ASTN2: variants seen among roughly 807,000 people sequenced by gnomAD.
The protein encoded by ASTN2 is astrotactin 2.
A neutral mutation model predicts 139.8 loss-of-function variants in ASTN2; 54 were observed. That is an observed-to-expected ratio of 0.39 (90% CI 0.31 to 0.48). The LOEUF (loss-of-function observed/expected upper bound fraction) is 0.48, where lower values mean the gene tolerates loss of function less well. ASTN2 is among the 20% of genes least tolerant of loss of function. ASTN2 has a pLI of 0.95. For missense variants in ASTN2, 1,565 were observed against 1,725.1 expected, an observed-to-expected ratio of 0.91 and a Z score of 1.64; for synonymous variants, 756 against 719.5, an observed-to-expected ratio of 1.05 and a Z score of -0.81.
chr9:116,944,686 A>G (rs2132475319), intron 10 of ASTN2, among the ~76,000 whole-genome samples: 1 of 150,976 alleles, frequency 6.6e-6, no homozygotes, highest in East Asian at 1.9e-4. Context: ...TGTCTCAAAA[A>G]AAAAAAAAAA....
intron 2 of ASTN2, among the ~76,000 whole-genome samples, chr9:117,262,366 C>A (rs974119573): frequency 2.6e-5 from 4 of 151,872 alleles, no homozygotes; most frequent in Non-Finnish European, 5.9e-5. Context: ...AATATTCCCA[C>A]CCAACACTGT....
intron 4 of ASTN2, among the ~76,000 whole-genome samples, chr9:117,110,941 T>C (rs1376033270): frequency 1.3e-5 from 2 of 152,186 alleles, no homozygotes; most frequent in East Asian, 3.9e-4. Context: ...CCACAATCTG[T>C]GTATAATCTC....
At chr9:116,753,327 C>A (rs1481804307) in intron 13 of ASTN2, among the ~76,000 whole-genome samples, 4 of 152,140 alleles carry the variant, frequency 2.6e-5, no homozygotes, top group Non-Finnish European at 4.4e-5. Context: ...GTGAAAAGAT[C>A]AGTGGTTGCC....
chr9:116,531,516 T>TC (rs778852899), intron 19 of ASTN2, among the ~76,000 whole-genome samples: 1 of 103,922 alleles, frequency 9.6e-6, no homozygotes, highest in East Asian at 3.4e-4. Flanking sequence ...CCACTCCCCC[T>TC]CCCCCCACCC....
intron 16 of ASTN2, among the ~76,000 whole-genome samples, chr9:116,722,200 A>G (rs775674489): frequency 5.6e-4 from 86 of 152,240 alleles, no homozygotes; most frequent in Non-Finnish European, 1.2e-3. Context: ...GTAATGAACA[A>G]CGTAGGAACA....
chr9:116,833,125 G>A (rs1169670819), intron 11 of ASTN2, among the ~76,000 whole-genome samples: 4 of 152,064 alleles, frequency 2.6e-5, no homozygotes, highest in East Asian at 1.9e-4. Flanking sequence ...TCATATTGGC[G>A]AATTGTGGTA....
At chr9:116,705,337 A>C (rs1298716422) in intron 16 of ASTN2, among the ~76,000 whole-genome samples, 1 of 152,208 alleles carries the variant, frequency 6.6e-6, no homozygotes, top group Non-Finnish European at 1.5e-5. Flanking sequence ...TTGTGATATA[A>C]AGATGATATG....
chr9:117,003,556 T>TGTGTGTG (rs1412820236), intron 7 of ASTN2, among the ~76,000 whole-genome samples: 3 of 147,076 alleles, frequency 2.0e-5, no homozygotes, highest in Non-Finnish European at 4.5e-5. Flanking sequence ...TGTGTGTGTA[T>TGTGTGTG]TTAAATCTAG....
At chr9:117,403,793 T>C (rs1329071709) in intron 1 of ASTN2, among the ~76,000 whole-genome samples, 1 of 152,118 alleles carries the variant, frequency 6.6e-6, no homozygotes, top group Non-Finnish European at 1.5e-5. Context: ...ACTCAGTCTC[T>C]AAGAGCTCTT....
intron 15 of ASTN2, among the ~76,000 whole-genome samples, chr9:116,727,028 A>G (rs1413648722): frequency 6.8e-6 from 1 of 147,508 alleles, no homozygotes; most frequent in Non-Finnish European, 1.5e-5. Flanking sequence ...ACACACACAC[A>G]CACACACACA....
At chr9:116,681,684 T>C (rs958677059) in intron 16 of ASTN2, among the ~76,000 whole-genome samples, 3 of 151,978 alleles carry the variant, frequency 2.0e-5, no homozygotes, top group African/African-American at 4.8e-5. Context: ...GAGATATAGA[T>C]CAATGGAACA....
At chr9:117,244,013 C>T (rs1289337534) in intron 2 of ASTN2, among the ~76,000 whole-genome samples, 1 of 152,078 alleles carries the variant, frequency 6.6e-6, no homozygotes, top group African/African-American at 2.4e-5. Flanking sequence ...CCCCCACTCA[C>T]TATCATGAGC....
chr9:117,156,801 A>G (rs1830442426), intron 3 of ASTN2, among the ~76,000 whole-genome samples: 1 of 152,064 alleles, frequency 6.6e-6, no homozygotes, highest in Admixed American at 6.6e-5. Flanking sequence ...TGAATTTAAA[A>G]CTTGAGGTTA....
chr9:117,248,376 A>T (rs1320629841), intron 2 of ASTN2, among the ~76,000 whole-genome samples: 2 of 152,228 alleles, frequency 1.3e-5, no homozygotes, highest in Admixed American at 6.5e-5. Context: ...TGACAGCTCC[A>T]GTTAGAGGAA....
intron 16 of ASTN2, among the ~76,000 whole-genome samples, chr9:116,656,428 G>A (rs1031670637): frequency 3.3e-5 from 5 of 152,116 alleles, no homozygotes; most frequent in Non-Finnish European, 7.3e-5. Flanking sequence ...GTAGGCCCTT[G>A]CCATTAAGTG....
At chr9:117,273,802 C>T (rs550149882) in intron 2 of ASTN2, among the ~76,000 whole-genome samples, 19 of 152,218 alleles carry the variant, frequency 1.2e-4, no homozygotes, top group Non-Finnish European at 2.6e-4. Context: ...TTTGTGGCTC[C>T]TAATTAATTC....
chr9:117,167,038 G>T (rs1830685195), intron 3 of ASTN2, among the ~76,000 whole-genome samples: 1 of 151,948 alleles, frequency 6.6e-6, no homozygotes, highest in Non-Finnish European at 1.5e-5. Flanking sequence ...ATCTTATTTT[G>T]TAATTTAGAA....
At chr9:117,168,085 G>A (rs562589999) in intron 3 of ASTN2, among the ~76,000 whole-genome samples, 1 of 152,040 alleles carries the variant, frequency 6.6e-6, no homozygotes, top group Non-Finnish European at 1.5e-5. Context: ...TAAAATGGAG[G>A]TTACAATCCT....
intron 16 of ASTN2, chr9:116,687,379 C>A (rs1227245553): frequency 8.3e-6 from 3 of 359,630 alleles, no homozygotes; most frequent in African/African-American, 4.8e-5. Context: ...CGCGGGCGGT[C>A]AGGTAGGGGG....
Sources: gnomAD v4.1 joint callset for allele counts (sites outside exome capture counted in the v4.1 genomes callset) on GRCh38, gnomAD v4.1.1 for gene constraint, MANE v1.5 for transcripts, NCBI Gene and HGNC (gene_info 2026-07-23, HGNC 2026-07-21) for gene names.